Variants in CLMN observed in about 807,000 individuals in gnomAD.
CLMN encodes calmin.
A neutral mutation model predicts 92.7 loss-of-function variants in CLMN; 57 were observed. The ratio of observed to expected loss-of-function variants is 0.61; its 90% CI spans 0.50 to 0.77. The LOEUF (loss-of-function observed/expected upper bound fraction) is 0.77, where lower values mean the gene tolerates loss of function less well. Among genes scored for constraint, CLMN ranks in the 30% least tolerant of loss-of-function variants. The pLI, the probability that CLMN is intolerant of heterozygous loss-of-function variation, is 0.00. For missense variants in CLMN, 1,158 were observed against 1,237.5 expected, an observed-to-expected ratio of 0.94 and a Z score of 0.96; for synonymous variants, 466 against 470.6, an observed-to-expected ratio of 0.99 and a Z score of 0.13.
intron 12 of CLMN, chr14:95,192,864 G>T (rs1028200510): frequency 6.5e-6 from 1 of 155,018 alleles, no homozygotes; most frequent in African/African-American, 2.4e-5. Flanking sequence ...AAACACGACT[G>T]CATTTCTCAA....
At chr14:95,245,182 AT>A (rs1444876527) in intron 1 of CLMN, among the ~76,000 whole-genome samples, 1 of 41,730 alleles carries the variant, frequency 2.4e-5, no homozygotes, top group Admixed American at 4.0e-4. Flanking sequence ...TATTATATAT[AT>A]ATATATATAT....
At chr14:95,244,597 C>T (rs1328528253) in intron 1 of CLMN, among the ~76,000 whole-genome samples, 1 of 152,164 alleles carries the variant, frequency 6.6e-6, no homozygotes, top group Non-Finnish European at 1.5e-5. Context: ...GTTTTTCAGG[C>T]TGCTAAAAAA....
intron 1 of CLMN, among the ~76,000 whole-genome samples, chr14:95,237,006 A>G (rs1284394087): frequency 1.3e-5 from 2 of 152,232 alleles, no homozygotes; most frequent in Non-Finnish European, 2.9e-5. Context: ...TAAAGCATCC[A>G]AACACCTTGG....
intron 1 of CLMN, among the ~76,000 whole-genome samples, chr14:95,233,817 A>G (rs1595602599): frequency 6.6e-6 from 1 of 152,142 alleles, no homozygotes; most frequent in Non-Finnish European, 1.5e-5. Context: ...TTCAGAGCCA[A>G]CCCCTCTGGG....
intron 8 of CLMN, among the ~76,000 whole-genome samples, chr14:95,207,879 G>GC (rs1247448835): frequency 1.3e-5 from 2 of 152,210 alleles, no homozygotes; most frequent in African/African-American, 4.8e-5. Context: ...AGTTTCAGCT[G>GC]CATGTTGTAA....
At chr14:95,278,095 A>G (rs1900002471) in intron 1 of CLMN, among the ~76,000 whole-genome samples, 1 of 152,060 alleles carries the variant, frequency 6.6e-6, no homozygotes, top group South Asian at 2.1e-4. Flanking sequence ...ACCTTTGGAG[A>G]TTCTAAATCT....
intron 1 of CLMN, among the ~76,000 whole-genome samples, chr14:95,243,880 C>T (rs1898356283): frequency 6.6e-6 from 1 of 152,052 alleles, no homozygotes; most frequent in Non-Finnish European, 1.5e-5. Context: ...ATTGTGATCC[C>T]TAATGTTGGA....
intron 1 of CLMN, among the ~76,000 whole-genome samples, chr14:95,278,129 C>T (rs931241599): frequency 1.3e-5 from 2 of 152,194 alleles, no homozygotes; most frequent in African/African-American, 4.8e-5. Context: ...AGTGCTTACA[C>T]CTTTTTGAAA....
At chr14:95,273,441 T>C (rs944354379) in intron 1 of CLMN, among the ~76,000 whole-genome samples, 1 of 152,202 alleles carries the variant, frequency 6.6e-6, no homozygotes, top group Non-Finnish European at 1.5e-5. Context: ...TATGAGGCTA[T>C]AGTTCACTTA....
Position 95,230,115 on chromosome 14 carries a change from T to C in CLMN, c.101A>G (p.Gln34Arg). 1 of 1,614,246 alleles carries C rather than the reference T, an allele frequency of 6.2e-7. No homozygotes were observed. Among genetic ancestry groups the C allele is most frequent in the Non-Finnish European group, 8.5e-7 (1 of 1,180,040 alleles). The change falls in exon 2 of 13, where the codon CAG (glutamine) becomes CGG (arginine). Residue 34 changes from glutamine to arginine, a missense_variant. Transcript: ENST00000298912. ...QNLQVERENV[Q>R]KRTFTRWINL... ...TATCCATCGTGTAAAGGTCCTCTTC[T>C]GCACATTTTCCCTCTCAACTGAAAA...
At chr14:95,249,754 G>A (rs1182983339) in intron 1 of CLMN, among the ~76,000 whole-genome samples, 1 of 152,118 alleles carries the variant, frequency 6.6e-6, no homozygotes, top group Non-Finnish European at 1.5e-5. Flanking sequence ...ATCACACCCA[G>A]CTAATTTTTT....
At chr14:95,227,991 ATTTAT>A (rs1897765180) in intron 2 of CLMN, among the ~76,000 whole-genome samples, 1 of 152,038 alleles carries the variant, frequency 6.6e-6, no homozygotes, top group African/African-American at 2.4e-5. Context: ...GTGCTATCTG[ATTTAT>A]TTTCAGAGTC....
At position 95,196,610 on chromosome 14, in the gene CLMN, CCTTT is replaced by C; in HGVS notation, c.2592_2595del (p.Glu866LysfsTer8). 6.2e-7 allele frequency: 1 copy of C among 1,614,116 alleles called. No homozygotes were observed. The highest frequency in any genetic ancestry group is 8.5e-7 in the Non-Finnish European group (1 of 1,179,990). On this transcript the variant is annotated frameshift_variant, in exon 10 of 13. Coordinates refer to ENST00000298912, the MANE Select transcript of CLMN (RefSeq NM_024734.4). LOFTEE classifies it high-confidence loss of function. The stretch of plus-strand genomic sequence containing the variant: ...ACGTGGTCCACATGTTTCCTTTTTT[CCTTT>C]TTTTTACTACTGATTGATTCTTTCG...
rs1470866656 is a variant in CLMN at position 95,203,461 on chromosome 14, C to G, written c.1888G>C (p.Glu630Gln). The G allele has an allele frequency of 2.5e-6, 4 of 1,614,000 alleles. No homozygotes were observed. The Admixed American group carries it at 6.7e-5, about 27-fold the overall frequency. Residue 630 changes from glutamate to glutamine, a missense_variant, in exon 9 of 13, where the codon GAA (glutamate) becomes CAA (glutamine). Coordinates refer to ENST00000298912, the MANE Select transcript of CLMN (RefSeq NM_024734.4). ...TCTTCTCCGGAGTCCTGATGAGGTTCATGTTTGTCCATCTTAACTTGAGGC... is the reference window on the plus strand; with the variant it reads ...TCTTCTCCGGAGTCCTGATGAGGTTGATGTTTGTCCATCTTAACTTGAGGC... ...PEPQVKMDKH[E>Q]PHQDSGEEAE...
At chr14:95,284,120 G>A (rs1900248523) in intron 1 of CLMN, among the ~76,000 whole-genome samples, 1 of 152,162 alleles carries the variant, frequency 6.6e-6, no homozygotes. Flanking sequence ...GGTGGAAAGG[G>A]GCCAATGTAC....
intron 1 of CLMN, among the ~76,000 whole-genome samples, chr14:95,260,903 C>G (rs1899224853): frequency 1.3e-5 from 2 of 152,110 alleles, no homozygotes; most frequent in Admixed American, 6.5e-5. Context: ...TGTGGAAATA[C>G]AGTATTAGGT....
intron 1 of CLMN, among the ~76,000 whole-genome samples, chr14:95,317,438 T>C (rs1901832494): frequency 6.6e-6 from 1 of 152,132 alleles, no homozygotes. Context: ...GACAGCTTCA[T>C]TCATTCATAA....
chr14:95,219,038 G>T (rs113703536), intron 4 of CLMN, among the ~76,000 whole-genome samples: 30 of 152,180 alleles, frequency 2.0e-4, no homozygotes, highest in African/African-American at 7.2e-4. Context: ...CATACAGCAC[G>T]CTGTCCATGT....
At chr14:95,266,754 A>AC (rs1393193004) in intron 1 of CLMN, among the ~76,000 whole-genome samples, 4 of 152,244 alleles carry the variant, frequency 2.6e-5, no homozygotes, top group Non-Finnish European at 5.9e-5. Flanking sequence ...AGCAAAAAGA[A>AC]CACAGTTGGA....
Sources: gnomAD v4.1 joint callset for allele counts (sites outside exome capture counted in the v4.1 genomes callset) on GRCh38, gnomAD v4.1.1 for gene constraint, MANE v1.5 for transcripts, NCBI Gene and HGNC (gene_info 2026-07-23, HGNC 2026-07-21) for gene names.